OR56A3: variants seen among roughly 807,000 people sequenced by gnomAD.
The protein encoded by OR56A3 is olfactory receptor 56A3.
In OR56A3, 23 loss-of-function variants were observed where a neutral mutation model predicts 17.5. That is an observed-to-expected ratio of 1.32 (90% CI 0.95 to 1.87). The LOEUF (loss-of-function observed/expected upper bound fraction) is 1.87, where lower values mean the gene tolerates loss of function less well. Among genes scored for constraint, OR56A3 ranks in the 40% most tolerant of loss-of-function variants. OR56A3 has a pLI of 0.00. For synonymous variants in OR56A3, 175 were observed against 150.6 expected (o/e 1.16, Z -1.19); for missense variants, 366 against 380.1 (o/e 0.96, Z 0.31).
chr11:5,982,667 T>C, the OR56A3 span, among the ~76,000 whole-genome samples: 2 of 152,038 alleles, frequency 1.3e-5, no homozygotes, highest in Non-Finnish European at 2.9e-5. Flanking sequence ...GGGGGATGGG[T>C]GTCTCTGTGT....
downstream of OR56A3, among the ~76,000 whole-genome samples, chr11:5,953,824 T>C (rs929242158): frequency 6.6e-6 from 1 of 152,234 alleles, no homozygotes; most frequent in Non-Finnish European, 1.5e-5. Flanking sequence ...AAAGCTATAC[T>C]ACCTTTATAT....
At chr11:6,002,903 C>A in the OR56A3 span, 1 of 1,614,054 alleles carries the variant, frequency 6.2e-7, no homozygotes, top group Non-Finnish European at 8.5e-7. Context: ...GGGGCAGAGA[C>A]AACCAGTGCT....
chr11:5,957,416 A>G, the OR56A3 span, among the ~76,000 whole-genome samples: 1 of 152,098 alleles, frequency 6.6e-6, no homozygotes, highest in African/African-American at 2.4e-5. Context: ...ATGTTTTGTT[A>G]TTTTTCTTGA....
At chr11:6,002,159 C>A in the OR56A3 span, 16 of 1,614,140 alleles carry the variant, frequency 9.9e-6, no homozygotes, top group African/African-American at 2.1e-4. Context: ...GGATGTTGAG[C>A]AGGATGGGGA....
chr11:5,983,023 T>C, the OR56A3 span, among the ~76,000 whole-genome samples: 1 of 152,092 alleles, frequency 6.6e-6, no homozygotes, highest in Non-Finnish European at 1.5e-5. Context: ...GTCAGTATTC[T>C]TGATGGTTTT....
chr11:6,015,291 G>T, the OR56A3 span, among the ~76,000 whole-genome samples: 1 of 152,192 alleles, frequency 6.6e-6, no homozygotes, highest in Non-Finnish European at 1.5e-5. Context: ...GCCAGGCTCA[G>T]GGCTCTGCTG....
the OR56A3 span, among the ~76,000 whole-genome samples, chr11:5,981,300 A>G: frequency 0.013 from 2,031 of 152,324 alleles, 53 homozygotes; most frequent in African/African-American, 0.046. Context: ...AGGGATGTCA[A>G]TCAGTCATAG....
At chr11:5,971,756 G>A in the OR56A3 span, among the ~76,000 whole-genome samples, 1 of 152,162 alleles carries the variant, frequency 6.6e-6, no homozygotes, top group African/African-American at 2.4e-5. Context: ...CTTTTACTCT[G>A]CTTTGCTTTT....
the OR56A3 span, among the ~76,000 whole-genome samples, chr11:5,970,519 A>T: frequency 0.022 from 3,366 of 152,302 alleles, 119 homozygotes; most frequent in African/African-American, 0.077. Context: ...AGGACTGATC[A>T]CCTCATTGGA....
At chr11:5,986,348 C>T in the OR56A3 span, 1 of 1,613,852 alleles carries the variant, frequency 6.2e-7, no homozygotes, top group Non-Finnish European at 8.5e-7. Context: ...TCACAATAGG[C>T]ATGGCCTATG....
At chr11:5,976,570 T>G in the OR56A3 span, among the ~76,000 whole-genome samples, 1 of 152,182 alleles carries the variant, frequency 6.6e-6, no homozygotes, top group African/African-American at 2.4e-5. Flanking sequence ...AGTCATCATT[T>G]TGATTACTTG....
At chr11:6,009,590 C>T in the OR56A3 span, among the ~76,000 whole-genome samples, 1 of 152,092 alleles carries the variant, frequency 6.6e-6, no homozygotes, top group East Asian at 1.9e-4. Flanking sequence ...TTATATATTT[C>T]CACAGACTTC....
intron 1 of OR56A3, among the ~76,000 whole-genome samples, chr11:5,944,132 C>G (rs1311786850): frequency 6.6e-6 from 1 of 152,158 alleles, no homozygotes; most frequent in Non-Finnish European, 1.5e-5. Flanking sequence ...TCTTGAGGAC[C>G]TCCTGTAACT....
At chr11:5,985,879 CA>C in the OR56A3 span, 1 of 1,466,168 alleles carries the variant, frequency 6.8e-7, no homozygotes, top group Non-Finnish European at 9.1e-7. Context: ...ACACCAGTCA[CA>C]GGCTCCTGGC....
the OR56A3 span, among the ~76,000 whole-genome samples, chr11:6,013,941 C>A: frequency 6.6e-6 from 1 of 152,196 alleles, no homozygotes; most frequent in Non-Finnish European, 1.5e-5. Flanking sequence ...ACTGCCAACA[C>A]AATGCATGCT....
chr11:6,000,384 T>G, the OR56A3 span: 4 of 152,040 alleles, frequency 2.6e-5, no homozygotes, highest in African/African-American at 9.7e-5. Context: ...AACACCGCAT[T>G]TTCTCACTCA....
At chr11:6,010,850 T>C in the OR56A3 span, among the ~76,000 whole-genome samples, 1 of 150,696 alleles carries the variant, frequency 6.6e-6, no homozygotes, top group African/African-American at 2.5e-5. Context: ...TGTGTGTGTG[T>C]GCACGTGAAT....
the OR56A3 span, chr11:6,002,439 A>G: frequency 6.2e-7 from 1 of 1,614,266 alleles, no homozygotes. Flanking sequence ...GGACACAGAC[A>G]GGTTACTGCA....
At chr11:5,991,724 G>A in the OR56A3 span, among the ~76,000 whole-genome samples, 5 of 152,154 alleles carry the variant, frequency 3.3e-5, no homozygotes, top group African/African-American at 9.7e-5. Context: ...TTCCACTGCT[G>A]AATTCCTGTG....
Sources: gnomAD v4.1 joint callset for allele counts (sites outside exome capture counted in the v4.1 genomes callset) on GRCh38, gnomAD v4.1.1 for gene constraint, MANE v1.5 for transcripts, NCBI Gene and HGNC (gene_info 2026-07-23, HGNC 2026-07-21) for gene names.